The following COL28A1 variants were observed in gnomAD, a reference collection of about 807,000 sequenced individuals.
The protein encoded by COL28A1 is collagen alpha-1(XXVIII) chain.
A neutral mutation model predicts 150.2 loss-of-function variants in COL28A1; 161 were observed. The observed-to-expected ratio is 1.07, with a 90% confidence interval of 0.94 to 1.22. The LOEUF (loss-of-function observed/expected upper bound fraction) is 1.22. Among genes scored for constraint, COL28A1 ranks in the 50% most tolerant of loss-of-function variants. The pLI, the probability that COL28A1 is intolerant of heterozygous loss-of-function variation, is 0.00. For missense variants in COL28A1, 1,617 were observed against 1,388.3 expected, an observed-to-expected ratio of 1.16 and a Z score of -2.62; for synonymous variants, 552 against 469.7, an observed-to-expected ratio of 1.18 and a Z score of -2.26.
At chr7:7,366,973 T>C (rs2008078) in intron 33 of COL28A1, among the ~76,000 whole-genome samples, 93,894 of 151,584 alleles carry the variant, frequency 0.62, 32,921 homozygotes, top group East Asian at 0.86. Context: ...TGTGTGTGTG[T>C]GTGCGCGCGT....
chr7:7,462,380 T>G (rs192167714), intron 15 of COL28A1, among the ~76,000 whole-genome samples: 2 of 152,098 alleles, frequency 1.3e-5, no homozygotes, highest in African/African-American at 4.8e-5. Flanking sequence ...CAAGAAGACA[T>G]CCTTGATCTA....
intron 8 of COL28A1, among the ~76,000 whole-genome samples, chr7:7,513,143 C>G (rs1781238674): frequency 6.6e-6 from 1 of 152,194 alleles, no homozygotes; most frequent in Admixed American, 6.5e-5. Context: ...GGAGGGAAAT[C>G]ACAACTGTAA....
chr7:7,513,857 G>A (rs946493141), intron 8 of COL28A1, among the ~76,000 whole-genome samples: 11 of 152,266 alleles, frequency 7.2e-5, no homozygotes, highest in Admixed American at 1.3e-4. Flanking sequence ...CTGCAAAGGC[G>A]TTTTCCTTTT....
At chr7:7,359,436 A>G (rs1426089435) in intron 34 of COL28A1, among the ~76,000 whole-genome samples, 2 of 152,208 alleles carry the variant, frequency 1.3e-5, no homozygotes, top group Non-Finnish European at 2.9e-5. Context: ...ATAAGAAAGC[A>G]TAGGACAGCT....
At chr7:7,496,523 C>T (rs998669966) in intron 11 of COL28A1, among the ~76,000 whole-genome samples, 1 of 151,918 alleles carries the variant, frequency 6.6e-6, no homozygotes, top group Admixed American at 6.6e-5. Context: ...CACAATTTCT[C>T]CTACCAATTC....
rs543273216 is a variant in COL28A1 at position 7,395,978 on chromosome 7, G to A, written c.2137-14366C>T. On this transcript the variant is annotated intron_variant, in intron 27 of 34. Transcript: ENST00000399429. ...GTGGGTTAATAACAGTTAACAAGAC[G>A]CAGTGACCTACCTGAATAGTCAACA... 3.5e-4 allele frequency among the ~76,000 whole-genome samples: 54 copies of A among 152,252 alleles called. 1 individual carries two copies. Among genetic ancestry groups the A allele is most frequent in the Middle Eastern group, 3.4e-3 (1 of 294 alleles).
At chr7:7,509,869 A>G (rs1781028294) in intron 9 of COL28A1, among the ~76,000 whole-genome samples, 1 of 152,142 alleles carries the variant, frequency 6.6e-6, no homozygotes. Context: ...GGAAGAATCT[A>G]TTCATTTTCA....
intron 27 of COL28A1, among the ~76,000 whole-genome samples, chr7:7,386,155 T>A (rs1298019307): frequency 6.6e-6 from 1 of 152,202 alleles, no homozygotes; most frequent in East Asian, 1.9e-4. Flanking sequence ...GATGACTGCT[T>A]GTTCTCTGGG....
intron 1 of COL28A1, among the ~76,000 whole-genome samples, chr7:7,533,711 T>C (rs1387423542): frequency 2.0e-5 from 3 of 152,128 alleles, no homozygotes; most frequent in African/African-American, 2.4e-5. Flanking sequence ...TCTAATTCTG[T>C]ATTAAAATCC....
intron 1 of COL28A1, among the ~76,000 whole-genome samples, chr7:7,535,100 T>C (rs1282782530): frequency 3.9e-5 from 6 of 152,128 alleles, no homozygotes; most frequent in Admixed American, 1.3e-4. Context: ...ACAAGCAAAA[T>C]AGGTTTCAGA....
At chr7:7,520,369 A>G (rs1225051226) in intron 5 of COL28A1, among the ~76,000 whole-genome samples, 1 of 152,214 alleles carries the variant, frequency 6.6e-6, no homozygotes, top group Non-Finnish European at 1.5e-5. Flanking sequence ...TTCCCAAAAC[A>G]ATCACTTCTC....
intron 14 of COL28A1, among the ~76,000 whole-genome samples, chr7:7,476,857 CTACTT>C (rs895362742): frequency 1.4e-4 from 22 of 152,130 alleles, no homozygotes; most frequent in African/African-American, 5.1e-4. Context: ...TGACTACAAA[CTACTT>C]TAAGAGATTT....
chr7:7,521,932 C>T lies in COL28A1; in HGVS notation c.732G>A (p.Lys244=), dbSNP rs765697620. Reference sequence around the variant, plus strand: ...GAGGCCCTGGATCACCTGGATCTCCCTTCTCACATTCACAAATCTTGCGTT... The same window carrying T: ...GAGGCCCTGGATCACCTGGATCTCCTTTCTCACATTCACAAATCTTGCGTT... ...KCERKICECE[K]GDPGDPGPPG... is the part of the protein sequence containing the mutation. Residue 244 remains lysine, a synonymous_variant, in exon 5 of 35, where the codon AAG becomes AAA. Transcript: ENST00000399429. The T allele has an allele frequency of 2.6e-6, 3 of 1,163,956 alleles. No individual in the cohort carries two copies. Among genetic ancestry groups the T allele is most frequent in the South Asian group, 2.4e-5 (2 of 82,118 alleles). The allele number at this position is 1,163,956 out of a possible 1,614,324, so 72.1% of individuals were successfully genotyped here. A position where few individuals can be genotyped will look rare whatever the true frequency, so the allele number is the denominator to read the frequency against.
chr7:7,517,883 G>T, intron 6 of COL28A1, 46 bp from the exon 7 acceptor site: 1 of 1,606,612 alleles, frequency 6.2e-7, no homozygotes, highest in South Asian at 1.1e-5. Flanking sequence ...CCTGAAGAGT[G>T]ACTGATTGCT....
intron 15 of COL28A1, among the ~76,000 whole-genome samples, chr7:7,459,344 G>GT (rs1787420948): frequency 6.6e-6 from 1 of 152,190 alleles, no homozygotes; most frequent in African/African-American, 2.4e-5. Flanking sequence ...ACAAAGAATT[G>GT]TATTGCATCT....
intron 33 of COL28A1, among the ~76,000 whole-genome samples, chr7:7,368,389 G>GTTTTTTTTTGTTTTTTT (rs34289231): frequency 1.0e-3 from 155 of 150,200 alleles, no homozygotes; most frequent in African/African-American, 3.6e-3. Flanking sequence ...TTTGCCTACT[G>GTTTTTTTTTGTTTTTTT]TTTTTTTTGT....
chr7:7,375,479 G>T lies in COL28A1; in HGVS notation c.2341C>A (p.Leu781Ile), dbSNP rs1261881023. Reference sequence around the variant, plus strand: ...ATCTTACCACATATTTCTGTAATAAGTTTGATAATTTCTTCTTTCTAGGGG... The same window carrying T: ...ATCTTACCACATATTTCTGTAATAATTTTGATAATTTCTTCTTTCTAGGGG... ...LGLTKEEIIK[L>I]ITEICGCGPK... is the part of the protein sequence containing the mutation. The change falls in exon 31 of 35, where the codon CTT becomes ATT. Residue 781 changes from leucine (L) to isoleucine (I), a missense_variant. Transcript: ENST00000399429. 1 of 1,566,210 alleles carries T rather than the reference G, an allele frequency of 6.4e-7. No homozygotes were observed. Among genetic ancestry groups the T allele is most frequent in the Non-Finnish European group, 8.7e-7 (1 of 1,144,592 alleles).
intron 5 of COL28A1, among the ~76,000 whole-genome samples, chr7:7,521,648 G>A (rs1169639087): frequency 6.6e-6 from 1 of 152,136 alleles, no homozygotes; most frequent in East Asian, 1.9e-4. Flanking sequence ...TTTATGAGGA[G>A]GAATATAAAT....
At chr7:7,375,707 C>T (rs1270450263) in intron 30 of COL28A1, among the ~76,000 whole-genome samples, 5 of 152,144 alleles carry the variant, frequency 3.3e-5, no homozygotes, top group Non-Finnish European at 5.9e-5. Flanking sequence ...ACAGCTGAGA[C>T]TTTTGGAATT....
Sources: allele counts gnomAD v4.1 joint callset (sites outside exome capture counted in the v4.1 genomes callset), GRCh38; gene constraint gnomAD v4.1.1; transcripts MANE v1.5; gene names NCBI Gene and HGNC (gene_info 2026-07-23, HGNC 2026-07-21).